SLC23A2: variants seen among roughly 807,000 people sequenced by gnomAD.
The protein encoded by SLC23A2 is solute carrier family 23 member 2.
SLC23A2 carries 36 observed loss-of-function variants against 73.3 expected under a neutral mutation model. The observed-to-expected ratio is 0.49, with a 90% CI of 0.38 to 0.65. The LOEUF is 0.65. Among genes scored for constraint, SLC23A2 ranks in the 30% least tolerant of loss-of-function variants. SLC23A2 has a pLI of 0.00. For missense variants in SLC23A2, 507 were observed against 841.6 expected, an observed-to-expected ratio of 0.60 and a Z score of 4.92; for synonymous variants, 343 against 327.3, an observed-to-expected ratio of 1.05 and a Z score of -0.52.
intron 3 of SLC23A2, among the ~76,000 whole-genome samples, chr20:4,914,768 C>T (rs1373862456): frequency 1.3e-5 from 2 of 152,094 alleles, no homozygotes; most frequent in African/African-American, 2.4e-5. Context: ...GCACTGGACA[C>T]GGTGGCTCAG....
At chr20:4,959,678 T>C (rs2087349298) in intron 2 of SLC23A2, among the ~76,000 whole-genome samples, 1 of 152,094 alleles carries the variant, frequency 6.6e-6, no homozygotes, top group African/African-American at 2.4e-5. Context: ...TTCTAATTTT[T>C]GTAGAGATGA....
chr20:4,889,466 G>C (rs1320737235), intron 6 of SLC23A2, among the ~76,000 whole-genome samples: 1 of 151,976 alleles, frequency 6.6e-6, no homozygotes, highest in Non-Finnish European at 1.5e-5. Flanking sequence ...GGAGAACTGG[G>C]AGAGGTGACC....
At chr20:4,942,224 T>C (rs1442779380) in intron 2 of SLC23A2, among the ~76,000 whole-genome samples, 1 of 152,168 alleles carries the variant, frequency 6.6e-6, no homozygotes, top group Non-Finnish European at 1.5e-5. Flanking sequence ...GTCCTCATGT[T>C]TAAAGTTCTA....
intron 1 of SLC23A2, among the ~76,000 whole-genome samples, chr20:4,992,064 C>A (rs574374372): frequency 6.6e-6 from 1 of 151,996 alleles, no homozygotes; most frequent in Admixed American, 6.6e-5. Context: ...GAGCCGAGAT[C>A]GCGCCATTAC....
intron 8 of SLC23A2, among the ~76,000 whole-genome samples, chr20:4,884,399 C>T (rs956895432): frequency 6.6e-6 from 1 of 152,200 alleles, no homozygotes; most frequent in African/African-American, 2.4e-5. Flanking sequence ...TCAATGAACA[C>T]AGGCAAACAC....
intron 3 of SLC23A2, among the ~76,000 whole-genome samples, chr20:4,917,375 T>C (rs1288731612): frequency 5.3e-5 from 8 of 152,104 alleles, no homozygotes; most frequent in Non-Finnish European, 7.4e-5. Flanking sequence ...CCCCTGAAGA[T>C]TGTCTGGATG....
At chr20:4,992,828 T>A (rs1456571328) in intron 1 of SLC23A2, among the ~76,000 whole-genome samples, 3 of 151,676 alleles carry the variant, frequency 2.0e-5, no homozygotes, top group African/African-American at 7.3e-5. Flanking sequence ...TGAATTTAAG[T>A]CAAGGCATAG....
intron 1 of SLC23A2, among the ~76,000 whole-genome samples, chr20:4,996,594 G>A (rs917591962): frequency 6.1e-5 from 9 of 148,300 alleles, no homozygotes; most frequent in Admixed American, 5.5e-4. Context: ...GCTGAGGCAG[G>A]AGAATCCCTT....
At chr20:4,930,855 C>T (rs1413637484) in intron 3 of SLC23A2, among the ~76,000 whole-genome samples, 2 of 151,728 alleles carry the variant, frequency 1.3e-5, no homozygotes, top group Non-Finnish European at 2.9e-5. Context: ...GGGTTGGTGG[C>T]ATGCATCCAT....
chr20:4,983,443 G>A (rs866214830), intron 1 of SLC23A2, among the ~76,000 whole-genome samples: 6 of 150,698 alleles, frequency 4.0e-5, no homozygotes, highest in African/African-American at 7.3e-5. Flanking sequence ...TGAGGAGATC[G>A]AGACCATCCT....
At chr20:4,870,201 T>A in intron 11 of SLC23A2, 148 bp from the exon 12 acceptor site, 1 of 678,224 alleles carries the variant, frequency 1.5e-6, no homozygotes, top group Non-Finnish European at 2.4e-6. Context: ...TTTAAAATCT[T>A]AAGCACCAGA....
intron 3 of SLC23A2, among the ~76,000 whole-genome samples, chr20:4,921,895 G>A (rs572439994): frequency 3.4e-4 from 52 of 152,226 alleles, no homozygotes; most frequent in African/African-American, 1.2e-3. Flanking sequence ...AGTTTGTACC[G>A]TAAAACCTAG....
intron 9 of SLC23A2, 65 bp from the exon 10 acceptor site, chr20:4,874,761 G>C (rs41282102): frequency 3.6e-6 from 5 of 1,388,712 alleles, no homozygotes; most frequent in Non-Finnish European, 4.9e-6. Flanking sequence ...AATAACACTC[G>C]AAGCTTCTAT....
chr20:4,887,210 G>C (rs529342016), intron 6 of SLC23A2, among the ~76,000 whole-genome samples: 59 of 152,290 alleles, frequency 3.9e-4, no homozygotes, highest in African/African-American at 1.3e-3. Flanking sequence ...CCTGCCAGAG[G>C]GGCCCAGAGG....
intron 9 of SLC23A2, among the ~76,000 whole-genome samples, chr20:4,881,122 G>T (rs879694617): frequency 6.6e-6 from 1 of 152,204 alleles, no homozygotes; most frequent in Non-Finnish European, 1.5e-5. Context: ...GCAACTAGGG[G>T]CACGGTTGTG....
intron 6 of SLC23A2, among the ~76,000 whole-genome samples, chr20:4,892,807 C>T (rs181772108): frequency 6.6e-5 from 10 of 151,830 alleles, no homozygotes; most frequent in Admixed American, 2.0e-4. Flanking sequence ...AAGATGATGA[C>T]GTGGGGAGGA....
At chr20:4,860,288 C>T (rs1929905053) in intron 15 of SLC23A2, among the ~76,000 whole-genome samples, 1 of 152,216 alleles carries the variant, frequency 6.6e-6, no homozygotes, top group African/African-American at 2.4e-5. Flanking sequence ...AAATCTGAGC[C>T]ACGCCACATA....
chr20:4,905,200 A>C (rs1339970047), intron 4 of SLC23A2, among the ~76,000 whole-genome samples: 3 of 151,968 alleles, frequency 2.0e-5, no homozygotes, highest in Admixed American at 6.6e-5. Context: ...GCACATGCAC[A>C]CACACAAGCT....
At chr20:4,979,977 T>C (rs963163174) in intron 1 of SLC23A2, among the ~76,000 whole-genome samples, 18 of 146,762 alleles carry the variant, frequency 1.2e-4, no homozygotes, top group African/African-American at 4.1e-4. Flanking sequence ...CTGGAAAAAC[T>C]GGCAAAAAAA....
Sources: gnomAD v4.1 joint callset for allele counts (sites outside exome capture counted in the v4.1 genomes callset) on GRCh38, gnomAD v4.1.1 for gene constraint, MANE v1.5 for transcripts, NCBI Gene and HGNC (gene_info 2026-07-23, HGNC 2026-07-21) for gene names.